The following EREG variants were observed in gnomAD, a reference collection of about 807,000 sequenced individuals.
The protein encoded by EREG is proepiregulin.
EREG carries 23 observed loss-of-function variants against 22.4 expected under a neutral mutation model. The observed-to-expected ratio is 1.03, with a 90% CI of 0.74 to 1.46. EREG has a LOEUF of 1.46. Ranked by LOEUF, EREG falls within the 40% of genes most tolerant of loss-of-function variation. The pLI is 0.00. For missense variants in EREG, 226 were observed against 205.9 expected, an observed-to-expected ratio of 1.10 and a Z score of -0.60; for synonymous variants, 100 against 75.4, an observed-to-expected ratio of 1.33 and a Z score of -1.69.
chr4:74,386,497 G>C lies in EREG; in HGVS notation c.*1689G>C, dbSNP rs953153531. The C allele has an allele frequency of 6.6e-6, 1 of 152,168 alleles. No individual in the cohort carries two copies. Among genetic ancestry groups the C allele is most frequent in the African/African-American group, 2.4e-5 (1 of 41,444 alleles). The allele number at this position is 152,168 out of a possible 1,614,324, so 9.4% of individuals were successfully genotyped here. The stretch of plus-strand genomic sequence containing the variant: ...TGTATATATATTCATATACAAACAT[G>C]TATGTATACATGACCTTAATGGATC... On this transcript the variant is annotated 3_prime_UTR_variant, in exon 5 of 5. Transcript: ENST00000244869.
intron 4 of EREG, among the ~76,000 whole-genome samples, chr4:74,383,216 T>C (rs1327012936): frequency 1.3e-5 from 2 of 152,218 alleles, no homozygotes; most frequent in Admixed American, 6.5e-5. Context: ...ACATTAGTTA[T>C]AGGGTGGTTG....
chr4:74,377,802 G>T (rs969155936), intron 1 of EREG, among the ~76,000 whole-genome samples: 1 of 152,134 alleles, frequency 6.6e-6, no homozygotes, highest in Non-Finnish European at 1.5e-5. Context: ...CAGATCTCAT[G>T]AGAACTCACT....
At chr4:74,373,719 T>C (rs1752332089) in intron 1 of EREG, among the ~76,000 whole-genome samples, 1 of 148,710 alleles carries the variant, frequency 6.7e-6, no homozygotes, top group African/African-American at 2.5e-5. Flanking sequence ...TATGTATATA[T>C]ATAAGTATAT....
intron 1 of EREG, among the ~76,000 whole-genome samples, chr4:74,366,932 GTAT>G (rs1023572173): frequency 4.6e-5 from 7 of 152,216 alleles, no homozygotes; most frequent in African/African-American, 1.7e-4. Context: ...TTCAAGTTCT[GTAT>G]TATATCTCTA....
chr4:74,367,164 C>T (rs916238349), intron 1 of EREG, among the ~76,000 whole-genome samples: 2 of 152,182 alleles, frequency 1.3e-5, no homozygotes, highest in Non-Finnish European at 2.9e-5. Context: ...AAGTTCCAGC[C>T]TCCACCCTTA....
At chr4:74,374,024 A>T (rs577924202) in intron 1 of EREG, among the ~76,000 whole-genome samples, 49 of 152,336 alleles carry the variant, frequency 3.2e-4, no homozygotes, top group African/African-American at 1.2e-3. Context: ...GCCATGGAAG[A>T]TGGTAGAAAA....
At chr4:74,366,665 G>T (rs531854687) in intron 1 of EREG, among the ~76,000 whole-genome samples, 1 of 152,308 alleles carries the variant, frequency 6.6e-6, no homozygotes, top group East Asian at 1.9e-4. Context: ...TCTGAACAAT[G>T]CACATGTCTG....
intron 1 of EREG, among the ~76,000 whole-genome samples, chr4:74,371,414 A>G (rs941826462): frequency 6.6e-6 from 1 of 152,200 alleles, no homozygotes; most frequent in Non-Finnish European, 1.5e-5. Context: ...AATCATGAAT[A>G]CTGTCTCTGA....
At chr4:74,382,831 T>C (rs911055955) in intron 4 of EREG, 37 bp downstream of exon 4, 4 of 1,521,356 alleles carry the variant, frequency 2.6e-6, no homozygotes, top group African/African-American at 1.4e-5. Flanking sequence ...CTTTTACAAA[T>C]TACTTTTACA....
chr4:74,388,541 G>A lies in EREG; in HGVS notation c.*3733G>A, dbSNP rs1460007. ...CATAAAGTTGTATTGCATGCAATTT[G>A]AAGTAACTTATTTGACTATGAATGT... On this transcript the variant is annotated 3_prime_UTR_variant, in exon 5 of 5. Coordinates refer to ENST00000244869, the MANE Select transcript of EREG (RefSeq NM_001432.3). 125,299 of 152,516 alleles carry A rather than the reference G, an allele frequency of 0.82. 51,663 individuals are homozygous for A. Among genetic ancestry groups the A allele is most frequent in the African/African-American group, 0.87 (36,259 of 41,522 alleles). 9.4% of individuals were successfully genotyped at this position (152,516 alleles called of 1,614,324 possible). A position where few individuals can be genotyped will look rare whatever the true frequency, so the allele number is the denominator to read the frequency against.
chr4:74,381,058 A>T lies in EREG; in HGVS notation c.199A>T (p.Lys67Ter), dbSNP rs1237544202. ...NPRVAQVSIT[K>*]CSSDMNGYCL... ...ACGTGTGGCTCAAGTGTCAATAACAAAGTGTAGCTCTGACATGAATGGCTA... is the reference window on the plus strand; with the variant it reads ...ACGTGTGGCTCAAGTGTCAATAACATAGTGTAGCTCTGACATGAATGGCTA... The change falls in exon 3 of 5, where the codon AAG becomes TAG. Residue 67 changes from lysine (K) to a stop codon, truncating the protein, a stop_gained. Transcript: ENST00000244869. LOFTEE classifies it high-confidence loss of function. 1 of 1,613,860 alleles carries T rather than the reference A, an allele frequency of 6.2e-7. No individual in the cohort carries two copies. The highest frequency in any genetic ancestry group is 1.1e-5 in the South Asian group (1 of 91,002).
chr4:74,376,422 G>A (rs1282791106), intron 1 of EREG, among the ~76,000 whole-genome samples: 1 of 152,184 alleles, frequency 6.6e-6, no homozygotes, highest in Non-Finnish European at 1.5e-5. Context: ...AATTTGTACC[G>A]AGGAAACTGT....
At chr4:74,379,360 T>C in intron 1 of EREG, 88 bp from the exon 2 acceptor site, 2 of 788,548 alleles carry the variant, frequency 2.5e-6, no homozygotes, top group Non-Finnish European at 4.4e-6. Context: ...ACAAAACAAC[T>C]CTATAAGTAC....
chr4:74,382,155 A>C (rs971523945), intron 3 of EREG: 2 of 152,548 alleles, frequency 1.3e-5, no homozygotes, highest in Admixed American at 1.3e-4. Context: ...AAATACAAAA[A>C]TTAGCGAGGC....
intron 1 of EREG, among the ~76,000 whole-genome samples, chr4:74,376,245 G>C (rs1752381302): frequency 6.6e-6 from 1 of 152,180 alleles, no homozygotes; most frequent in Non-Finnish European, 1.5e-5. Flanking sequence ...TTAGGCTTTA[G>C]TTTATGCAAA....
At chr4:74,378,562 C>T (rs76077965) in intron 1 of EREG, among the ~76,000 whole-genome samples, 3,204 of 152,042 alleles carry the variant, frequency 0.021, 111 homozygotes, top group African/African-American at 0.073. Flanking sequence ...TTAATTGCTG[C>T]TACTACTACT....
rs868237757 is a variant in EREG at position 74,388,343 on chromosome 4, T to C, written c.*3535T>C. ...TGACTTGTACAAACAGTATTTCTGG[T>C]GTATATTTTAATGTTTTTAAAAAGA... On this transcript the variant is annotated 3_prime_UTR_variant, in exon 5 of 5. Coordinates refer to ENST00000244869, the MANE Select transcript of EREG (RefSeq NM_001432.3). 1 of 152,226 alleles carries C rather than the reference T, an allele frequency of 6.6e-6. No individual in the cohort carries two copies. Among genetic ancestry groups the C allele is most frequent in the Non-Finnish European group, 1.5e-5 (1 of 68,014 alleles). The allele number at this position is 152,226 out of a possible 1,614,324, so 9.4% of individuals were successfully genotyped here. A position where few individuals can be genotyped will look rare whatever the true frequency, so the allele number is the denominator to read the frequency against.
In EREG at chr4:74,379,535, G is replaced by A. The variant is rs781343689; in HGVS notation, c.154+1G>A. 6.3e-7 allele frequency: 1 copy of A among 1,581,540 alleles called. No individual in the cohort carries two copies. The highest frequency in any genetic ancestry group is 1.7e-5 in the Admixed American group (1 of 59,874). On this transcript the variant is annotated splice_donor_variant, in intron 2 of 4. Transcript: ENST00000244869. LOFTEE classifies it high-confidence loss of function. ...TCCAGTGATAACTGCACAGCTTTAG[G>A]TAAGCCCAAGTTTGTCAATGTGGCA...
chr4:74,379,626 T>A (rs7660209), intron 2 of EREG, 92 bp downstream of exon 2: 649,285 of 740,150 alleles, frequency 0.88, 285,818 homozygotes, highest in East Asian at 1. Flanking sequence ...GATAATTTTT[T>A]AAAAAAGGGT....
Sources: allele counts gnomAD v4.1 joint callset (sites outside exome capture counted in the v4.1 genomes callset), GRCh38; gene constraint gnomAD v4.1.1; transcripts MANE v1.5; gene names NCBI Gene and HGNC (gene_info 2026-07-23, HGNC 2026-07-21).